ARB2A: variants seen among roughly 807,000 people sequenced by gnomAD.
ARB2A encodes the protein ARB2 cotranscriptional regulator A.
At chr5:94,001,693 C>G in the ARB2A span, among the ~76,000 whole-genome samples, 1 of 152,100 alleles carries the variant, frequency 6.6e-6, no homozygotes, top group Non-Finnish European at 1.5e-5. Flanking sequence ...TTTTTGCTTA[C>G]ATTGCCCATC....
At chr5:93,908,312 A>G in the ARB2A span, among the ~76,000 whole-genome samples, 1 of 151,072 alleles carries the variant, frequency 6.6e-6, no homozygotes, top group African/African-American at 2.4e-5. Flanking sequence ...ACTTTAAAAT[A>G]TATTTTAAAT....
chr5:93,653,057 A>AT, the ARB2A span, among the ~76,000 whole-genome samples: 1 of 152,144 alleles, frequency 6.6e-6, no homozygotes, highest in Non-Finnish European at 1.5e-5. Flanking sequence ...AATGGGGCCA[A>AT]TAAAAATAAT....
the ARB2A span, chr5:93,737,651 C>A: frequency 4.7e-6 from 1 of 212,196 alleles, no homozygotes; most frequent in Non-Finnish European, 9.6e-6. Flanking sequence ...TATAGACCAA[C>A]AGAAGAGAGT....
At chr5:94,010,270 T>C in the ARB2A span, among the ~76,000 whole-genome samples, 1 of 152,158 alleles carries the variant, frequency 6.6e-6, no homozygotes, top group African/African-American at 2.4e-5. Flanking sequence ...ATTTTAAGTA[T>C]TTTCTAATTT....
chr5:94,020,166 G>C, the ARB2A span, among the ~76,000 whole-genome samples: 1 of 146,858 alleles, frequency 6.8e-6, no homozygotes, highest in African/African-American at 2.5e-5. Flanking sequence ...CACAGGAACA[G>C]AAAACCAAAC....
the ARB2A span, among the ~76,000 whole-genome samples, chr5:93,906,046 C>T: frequency 3.3e-5 from 5 of 151,546 alleles, no homozygotes; most frequent in African/African-American, 1.2e-4. Context: ...AGTAAAAAGG[C>T]AATACTAGAA....
chr5:93,631,336 G>A, the ARB2A span, among the ~76,000 whole-genome samples: 1 of 152,182 alleles, frequency 6.6e-6, no homozygotes, highest in Non-Finnish European at 1.5e-5. Flanking sequence ...ATAGACAGCT[G>A]TTATAGAAAT....
At chr5:93,959,002 G>C in the ARB2A span, 3 of 1,416,310 alleles carry the variant, frequency 2.1e-6, no homozygotes, top group Non-Finnish European at 2.9e-6. Context: ...ATAAATAAAT[G>C]TCTTCTGATC....
the ARB2A span, among the ~76,000 whole-genome samples, chr5:93,700,092 T>C: frequency 1.3e-5 from 2 of 152,150 alleles, no homozygotes; most frequent in Non-Finnish European, 2.9e-5. Flanking sequence ...TATACAATTA[T>C]ATGGAAACAG....
At chr5:94,086,475 A>G in the ARB2A span, among the ~76,000 whole-genome samples, 1 of 152,202 alleles carries the variant, frequency 6.6e-6, no homozygotes, top group East Asian at 1.9e-4. Flanking sequence ...TGCCAGTCAT[A>G]TCAAAGTTTA....
the ARB2A span, among the ~76,000 whole-genome samples, chr5:93,650,546 A>G: frequency 1.6e-4 from 25 of 152,200 alleles, no homozygotes; most frequent in African/African-American, 6.0e-4. Context: ...CAACTAATTT[A>G]TATGTAATTG....
chr5:93,712,212 T>C, the ARB2A span, among the ~76,000 whole-genome samples: 345 of 152,260 alleles, frequency 2.3e-3, 1 homozygote, highest in African/African-American at 8.0e-3. Flanking sequence ...GGTTATTATC[T>C]AGGAGCTGAC....
chr5:93,890,054 G>A, the ARB2A span, among the ~76,000 whole-genome samples: 1 of 151,926 alleles, frequency 6.6e-6, no homozygotes, highest in South Asian at 2.1e-4. Context: ...CTTCTTGAAT[G>A]ACAAGAGTGA....
the ARB2A span, among the ~76,000 whole-genome samples, chr5:93,992,728 T>C: frequency 6.6e-6 from 1 of 152,054 alleles, no homozygotes; most frequent in African/African-American, 2.4e-5. Context: ...AATAGATTCT[T>C]ACTTAGATAA....
the ARB2A span, among the ~76,000 whole-genome samples, chr5:94,001,624 A>G: frequency 2.6e-5 from 4 of 152,098 alleles, no homozygotes; most frequent in East Asian, 7.7e-4. Context: ...AAAGGCATTC[A>G]TTTTTACACA....
At chr5:93,854,153 C>T in the ARB2A span, among the ~76,000 whole-genome samples, 1 of 152,120 alleles carries the variant, frequency 6.6e-6, no homozygotes, top group Non-Finnish European at 1.5e-5. Context: ...TTGGTCTATT[C>T]AGAGATTCAA....
chr5:93,820,071 A>T, the ARB2A span, among the ~76,000 whole-genome samples: 1 of 152,364 alleles, frequency 6.6e-6, no homozygotes, highest in Non-Finnish European at 1.5e-5. Context: ...ATGGAAAAGG[A>T]AATAAAAGTA....
the ARB2A span, among the ~76,000 whole-genome samples, chr5:93,760,185 C>T: frequency 1.1e-4 from 16 of 152,204 alleles, no homozygotes; most frequent in African/African-American, 3.6e-4. Context: ...TAGGAATATA[C>T]CTAACCAAGG....
At chr5:93,839,656 C>CT in the ARB2A span, among the ~76,000 whole-genome samples, 142 of 144,624 alleles carry the variant, frequency 9.8e-4, no homozygotes, top group African/African-American at 2.7e-3. Flanking sequence ...CGGTCCTGGG[C>CT]TTTTTTTTTT....
Sources: gnomAD v4.1 joint callset for allele counts (sites outside exome capture counted in the v4.1 genomes callset) on GRCh38, gnomAD v4.1.1 for gene constraint, MANE v1.5 for transcripts, NCBI Gene and HGNC (gene_info 2026-07-23, HGNC 2026-07-21) for gene names.